The following ADCY2 variants were observed in gnomAD, a reference collection of about 807,000 sequenced individuals.
ADCY2 encodes the protein adenylate cyclase type 2.
ADCY2 carries 31 observed loss-of-function variants against 125.2 expected under a neutral mutation model. The observed-to-expected ratio is 0.25, with a 90% CI of 0.19 to 0.33. ADCY2 has a LOEUF of 0.33. Among genes scored for constraint, ADCY2 ranks in the 10% least tolerant of loss-of-function variants. The pLI is 1.00. For synonymous variants in ADCY2, 512 were observed against 548.4 expected (o/e 0.93, Z 0.93); for missense variants, 904 against 1,418.2 (o/e 0.64, Z 5.82).
At chr5:7,476,047 C>T (rs1742513458) in intron 2 of ADCY2, among the ~76,000 whole-genome samples, 1 of 152,114 alleles carries the variant, frequency 6.6e-6, no homozygotes. Flanking sequence ...CAGACGGTGA[C>T]AGCATGAAAA....
intron 2 of ADCY2, among the ~76,000 whole-genome samples, chr5:7,499,648 G>GATAGATATATAT (rs1554014327): frequency 1.2e-4 from 14 of 118,404 alleles, no homozygotes; most frequent in Non-Finnish European, 2.4e-4. Flanking sequence ...TATGTGGGTG[G>GATAGATATATAT]ATATATATAT....
chr5:7,758,896 G>C (rs1190729426), intron 16 of ADCY2, among the ~76,000 whole-genome samples: 1 of 152,152 alleles, frequency 6.6e-6, no homozygotes, highest in Non-Finnish European at 1.5e-5. Flanking sequence ...GAAAAACAAG[G>C]CTGAAGAAGT....
At chr5:7,459,894 C>T (rs917032687) in intron 2 of ADCY2, among the ~76,000 whole-genome samples, 1 of 138,710 alleles carries the variant, frequency 7.2e-6, no homozygotes, top group Non-Finnish European at 1.5e-5. Context: ...TCACGCTATT[C>T]TTCTGCCTCA....
intron 23 of ADCY2, among the ~76,000 whole-genome samples, chr5:7,817,823 C>CAAAAAAAAAAAAA (rs57731885): frequency 2.6e-5 from 2 of 78,300 alleles, no homozygotes; most frequent in Admixed American, 1.5e-4. Flanking sequence ...ACGCTGTCAC[C>CAAAAAAAAAAAAA]AAAAAAAAAA....
At chr5:7,401,141 C>A (rs1469535445) in intron 1 of ADCY2, among the ~76,000 whole-genome samples, 2 of 152,124 alleles carry the variant, frequency 1.3e-5, no homozygotes, top group Non-Finnish European at 2.9e-5. Flanking sequence ...AGCTGATGTC[C>A]TCAATTAGTA....
At chr5:7,698,406 T>C in intron 7 of ADCY2, 32 bp downstream of exon 7, 3 of 1,612,002 alleles carry the variant, frequency 1.9e-6, no homozygotes, top group East Asian at 2.2e-5. Flanking sequence ...CATTTTGTTA[T>C]ATGCTTTAAG....
intron 4 of ADCY2, among the ~76,000 whole-genome samples, chr5:7,646,135 T>A (rs554865665): frequency 6.6e-6 from 1 of 151,852 alleles, no homozygotes; most frequent in African/African-American, 2.4e-5. Flanking sequence ...AAAAAAAACG[T>A]TGGAAGCAAA....
intron 3 of ADCY2, among the ~76,000 whole-genome samples, chr5:7,589,526 GAA>G (rs1561112724): frequency 1.4e-5 from 1 of 69,688 alleles, no homozygotes; most frequent in Admixed American, 1.4e-4. Flanking sequence ...AAAAGAAAGA[GAA>G]AGAAAGAAAG....
At chr5:7,457,535 C>T (rs910451461) in intron 2 of ADCY2, among the ~76,000 whole-genome samples, 2 of 152,178 alleles carry the variant, frequency 1.3e-5, no homozygotes, top group African/African-American at 4.8e-5. Context: ...TGTTGACTAC[C>T]CCAAGATTCA....
chr5:7,596,488 C>T (rs1358540552), intron 3 of ADCY2, among the ~76,000 whole-genome samples: 1 of 152,164 alleles, frequency 6.6e-6, no homozygotes, highest in Admixed American at 6.6e-5. Context: ...CCTAAAATGA[C>T]AACAAAATTT....
At chr5:7,597,609 T>C (rs1737052550) in intron 3 of ADCY2, among the ~76,000 whole-genome samples, 1 of 152,120 alleles carries the variant, frequency 6.6e-6, no homozygotes, top group Admixed American at 6.6e-5. Context: ...AACCCATCTG[T>C]ATAAAAAAAC....
intron 17 of ADCY2, among the ~76,000 whole-genome samples, chr5:7,767,179 C>T (rs1366324082): frequency 1.3e-5 from 2 of 152,132 alleles, no homozygotes; most frequent in Non-Finnish European, 2.9e-5. Context: ...TATTATCCCC[C>T]TTAAAGCTGT....
intron 3 of ADCY2, among the ~76,000 whole-genome samples, chr5:7,560,425 A>G (rs1735672028): frequency 3.9e-5 from 6 of 152,238 alleles, no homozygotes; most frequent in Admixed American, 3.3e-4. Context: ...TTAAAAAGCA[A>G]TTAAAAAATA....
intron 15 of ADCY2, among the ~76,000 whole-genome samples, chr5:7,745,074 A>G (rs1742557765): frequency 6.6e-6 from 1 of 152,204 alleles, no homozygotes; most frequent in Admixed American, 6.5e-5. Flanking sequence ...CTTTATTGCA[A>G]TGTTGTTTTG....
rs527806846 is a variant in ADCY2, at chr5:7,820,641, C to A, written c.3075C>A (p.Val1025=). The A allele has an allele frequency of 1.2e-6, 2 of 1,614,044 alleles. No individual in the cohort carries two copies. The highest frequency in any genetic ancestry group is 1.7e-6 in the Non-Finnish European group (2 of 1,179,988). Residue 1025 remains valine, a synonymous_variant, in exon 24 of 25, where the codon GTC becomes GTA. Coordinates refer to ENST00000338316, the MANE Select transcript of ADCY2 (RefSeq NM_020546.3). ...KPQYDIWGNT[V]NVASRMDSTG... is the part of the protein sequence containing the mutation. ...AATATGATATCTGGGGCAACACTGT[C>A]AATGTGGCCAGTAGGATGGACAGCA...
At chr5:7,607,963 A>G (rs1737438524) in intron 3 of ADCY2, among the ~76,000 whole-genome samples, 1 of 152,182 alleles carries the variant, frequency 6.6e-6, no homozygotes, top group South Asian at 2.1e-4. Context: ...CTCTTGGGAG[A>G]GGTCACTCTT....
intron 2 of ADCY2, 136 bp from the exon 3 acceptor site, chr5:7,520,602 C>A: frequency 1.1e-6 from 1 of 911,184 alleles, no homozygotes; most frequent in Non-Finnish European, 1.7e-6. Flanking sequence ...ATCGACTGCC[C>A]TATTTTGTCT....
chr5:7,721,167 A>T (rs1226967521), intron 12 of ADCY2, among the ~76,000 whole-genome samples: 16 of 152,042 alleles, frequency 1.1e-4, no homozygotes, highest in Non-Finnish European at 4.4e-5. Flanking sequence ...GCATTTTTTC[A>T]TGTGTCTGTT....
At chr5:7,552,755 TAGG>T (rs1475262446) in intron 3 of ADCY2, among the ~76,000 whole-genome samples, 4 of 152,254 alleles carry the variant, frequency 2.6e-5, no homozygotes, top group Non-Finnish European at 5.9e-5. Flanking sequence ...TATTAACTTT[TAGG>T]AGATCTCAGC....
Sources: allele counts gnomAD v4.1 joint callset (sites outside exome capture counted in the v4.1 genomes callset), GRCh38; gene constraint gnomAD v4.1.1; transcripts MANE v1.5; gene names NCBI Gene and HGNC (gene_info 2026-07-23, HGNC 2026-07-21).